CYB5R3: variants seen among roughly 807,000 people sequenced by gnomAD.
CYB5R3 encodes NADH-cytochrome b5 reductase 3.
In CYB5R3, 28 loss-of-function variants were observed where a neutral mutation model predicts 36.5. That is an observed-to-expected ratio of 0.77 (90% CI 0.57 to 1.05). The LOEUF (loss-of-function observed/expected upper bound fraction) is 1.05, where lower values mean the gene tolerates loss of function less well. Among genes scored for constraint, CYB5R3 ranks in the 50% least tolerant of loss-of-function variants. The probability of loss-of-function intolerance (pLI) is 0.00; values close to 1 mark genes in which losing one functional copy is unlikely to be tolerated. For synonymous variants in CYB5R3, 181 were observed against 159.8 expected, an observed-to-expected ratio of 1.13 and a Z score of -1.00; for missense variants, 474 against 408.9, an observed-to-expected ratio of 1.16 and a Z score of -1.37.
chr22:42,627,160 T>C, intron 7 of CYB5R3, 144 bp downstream of exon 7: 1 of 755,532 alleles, frequency 1.3e-6, no homozygotes, highest in East Asian at 2.7e-5. Context: ...AGGCCGCCAG[T>C]GCACAGAACA....
chr22:42,629,452 G>A (rs1000875870), intron 4 of CYB5R3, among the ~76,000 whole-genome samples: 1 of 152,212 alleles, frequency 6.6e-6, no homozygotes, highest in East Asian at 1.9e-4. Context: ...TGGCCCTTCT[G>A]GAAGCTCGGT....
intron 8 of CYB5R3, among the ~76,000 whole-genome samples, chr22:42,621,874 A>G (rs1342766752): frequency 6.6e-6 from 1 of 152,258 alleles, no homozygotes; most frequent in African/African-American, 2.4e-5. Context: ...GTCAGAAAGG[A>G]GCAAAGCAGC....
intron 2 of CYB5R3, 117 bp downstream of exon 2, chr22:42,636,598 T>G: frequency 6.7e-7 from 1 of 1,487,930 alleles, no homozygotes; most frequent in East Asian, 2.4e-5. Flanking sequence ...GCTTTCTCCA[T>G]CTGTAAAATG....
intron 7 of CYB5R3, 82 bp downstream of exon 7, chr22:42,627,222 A>G (rs1255171481): frequency 1.8e-6 from 2 of 1,135,488 alleles, no homozygotes; most frequent in African/African-American, 1.5e-5. Context: ...AGCTGTGCAG[A>G]CCCCTGGAAC....
At chr22:42,625,643 G>A (rs1296626812) in intron 7 of CYB5R3, among the ~76,000 whole-genome samples, 5 of 152,098 alleles carry the variant, frequency 3.3e-5, no homozygotes, top group Non-Finnish European at 7.4e-5. Context: ...GAACCTTGGG[G>A]GGCTGCTACT....
chr22:42,647,239 C>T (rs1011448560), intron 1 of CYB5R3, among the ~76,000 whole-genome samples: 1 of 147,154 alleles, frequency 6.8e-6, no homozygotes, highest in Non-Finnish European at 1.5e-5. Context: ...TGGGGCTGGG[C>T]GGGGGAGGGT....
intron 1 of CYB5R3, among the ~76,000 whole-genome samples, chr22:42,638,336 C>G (rs1929009826): frequency 7.5e-6 from 1 of 133,276 alleles, no homozygotes. Flanking sequence ...GCGGAGGTTG[C>G]AGTGAGCCAA....
At chr22:42,630,861 G>A (rs368627790) in intron 4 of CYB5R3, 21 bp downstream of exon 4, 182 of 1,598,938 alleles carry the variant, frequency 1.1e-4, no homozygotes, top group Middle Eastern at 3.3e-4. Context: ...CCCCTCCACA[G>A]TCATGACCCA....
intron 7 of CYB5R3, among the ~76,000 whole-genome samples, chr22:42,626,271 T>A (rs1008899966): frequency 6.6e-6 from 1 of 152,122 alleles, no homozygotes; most frequent in African/African-American, 2.4e-5. Flanking sequence ...GATTGTGCCA[T>A]TGCACTCCAG....
rs1927769170 is a variant in CYB5R3, at chr22:42,618,653, T to TAA, written c.*1119_*1120insTT. ...GCTTGAACCCGAGAGGTGGAGGTTG[T>TAA]AGTGAGCTGAGATCATGCCACTCCA... is the stretch of plus-strand genomic sequence containing the variant. On this transcript the variant is annotated 3_prime_UTR_variant, in exon 9 of 9. Transcript: ENST00000352397. 6.9e-6 allele frequency: 1 copy of TAA among 144,924 alleles called. No individual in the cohort carries two copies. Among genetic ancestry groups the TAA allele is most frequent in the Non-Finnish European group, 1.5e-5 (1 of 67,124 alleles). The allele number at this position is 144,924 out of a possible 1,614,324, so 9.0% of individuals were successfully genotyped here. A position where few individuals can be genotyped will look rare whatever the true frequency, so the allele number is the denominator to read the frequency against.
chr22:42,619,389 T>C lies in CYB5R3; in HGVS notation c.*384A>G, dbSNP rs1927825582. The C allele has an allele frequency of 4.3e-6, 1 of 229,948 alleles. No homozygotes were observed. The allele number at this position is 229,948 out of a possible 1,614,324, so 14.2% of individuals were successfully genotyped here. On this transcript the variant is annotated 3_prime_UTR_variant, in exon 9 of 9. Coordinates refer to ENST00000352397, the MANE Select transcript of CYB5R3 (RefSeq NM_000398.7). Reference sequence around the variant, plus strand: ...GGCCCTGGCACCTGCAGCTTTGGGCTGCCCATGTGTGTCTGCTGACATCCC... The same window carrying C: ...GGCCCTGGCACCTGCAGCTTTGGGCCGCCCATGTGTGTCTGCTGACATCCC...
At chr22:42,645,276 T>C (rs1050980944) in intron 1 of CYB5R3, among the ~76,000 whole-genome samples, 1 of 152,056 alleles carries the variant, frequency 6.6e-6, no homozygotes, top group Non-Finnish European at 1.5e-5. Flanking sequence ...CAACAAATAT[T>C]TGTGGAATGA....
intron 1 of CYB5R3, among the ~76,000 whole-genome samples, chr22:42,647,826 G>C (rs1222232028): frequency 1.3e-5 from 2 of 151,998 alleles, no homozygotes; most frequent in East Asian, 1.9e-4. Flanking sequence ...AGCTATGATC[G>C]CGCCACTGCA....
chr22:42,638,028 A>G (rs990774207), intron 1 of CYB5R3, among the ~76,000 whole-genome samples: 1 of 152,158 alleles, frequency 6.6e-6, no homozygotes, highest in Non-Finnish European at 1.5e-5. Context: ...GCAGGTGAAC[A>G]GTTTGAGTCC....
chr22:42,641,075 T>C (rs958141707), intron 1 of CYB5R3, among the ~76,000 whole-genome samples: 4 of 151,894 alleles, frequency 2.6e-5, no homozygotes, highest in Admixed American at 2.6e-4. Context: ...CAGGCTGGTC[T>C]TGAAGTCCTG....
chr22:42,632,149 G>A (rs938664511), intron 2 of CYB5R3: 4 of 153,702 alleles, frequency 2.6e-5, no homozygotes, highest in African/African-American at 9.6e-5. Context: ...GTCTTGTTAA[G>A]TGGGTCTTAC....
chr22:42,623,556 T>C lies in CYB5R3; in HGVS notation c.733+233A>G, dbSNP rs2071844. Among the ~76,000 whole-genome samples, 55,404 of 152,168 alleles carry C rather than the reference T, an allele frequency of 0.36. 15,119 individuals carry two copies. The highest frequency in any genetic ancestry group is 0.75 in the African/African-American group (31,035 of 41,504). ...GTGCAGTGCGCCCGGGAAAGGACTC[T>C]GCCTCTGGAGGCGAGGACCTGGGTT... On this transcript the variant is annotated intron_variant, in intron 8 of 8. Coordinates refer to ENST00000352397, the MANE Select transcript of CYB5R3 (RefSeq NM_000398.7).
chr22:42,622,633 A>G (rs1928042312), intron 8 of CYB5R3, among the ~76,000 whole-genome samples: 1 of 152,160 alleles, frequency 6.6e-6, no homozygotes, highest in Non-Finnish European at 1.5e-5. Context: ...CAGGTGACCC[A>G]GCTCCTAGGT....
chr22:42,630,212 A>C (rs1037787804), intron 4 of CYB5R3, among the ~76,000 whole-genome samples: 3 of 152,226 alleles, frequency 2.0e-5, no homozygotes, highest in African/African-American at 7.2e-5. Context: ...TAACGCCTGC[A>C]TCTTCTCCTG....
Sources: allele counts gnomAD v4.1 joint callset (sites outside exome capture counted in the v4.1 genomes callset), GRCh38; gene constraint gnomAD v4.1.1; transcripts MANE v1.5; gene names NCBI Gene and HGNC (gene_info 2026-07-23, HGNC 2026-07-21).